Variants in MYO16 observed in about 807,000 individuals in gnomAD.
MYO16 encodes the protein myosin XVI.
A neutral mutation model predicts 205.3 loss-of-function variants in MYO16; 94 were observed. That is an observed-to-expected ratio of 0.46 (90% CI 0.39 to 0.54). MYO16 has a LOEUF of 0.54. Ranked by LOEUF, MYO16 falls within the 20% of genes least tolerant of loss-of-function variation. MYO16 has a pLI of 0.00. For synonymous variants in MYO16, 988 were observed against 954.0 expected, an observed-to-expected ratio of 1.04 and a Z score of -0.66; for missense variants, 2,315 against 2,387.5, an observed-to-expected ratio of 0.97 and a Z score of 0.63.
intron 1 of MYO16, among the ~76,000 whole-genome samples, chr13:108,618,413 G>C (rs1048260714): frequency 2.6e-5 from 4 of 152,174 alleles, no homozygotes; most frequent in African/African-American, 7.2e-5. Context: ...GGTGGCAGTG[G>C]CTGTCCTAGA....
intron 1 of MYO16, among the ~76,000 whole-genome samples, chr13:108,615,903 G>C (rs1879334236): frequency 6.6e-6 from 1 of 152,080 alleles, no homozygotes; most frequent in Admixed American, 6.6e-5. Flanking sequence ...TTCCTGACCT[G>C]TTTATACCAT....
At position 109,206,898 on chromosome 13, in the gene MYO16, G is replaced by A. The variant is rs1471255772; in HGVS notation, c.*62G>A. The A allele has an allele frequency of 1.4e-6, 2 of 1,473,998 alleles. No homozygotes were observed. Among genetic ancestry groups the A allele is most frequent in the Non-Finnish European group, 1.9e-6 (2 of 1,073,282 alleles). The allele number at this position is 1,473,998 out of a possible 1,614,324, so 91.3% of individuals were successfully genotyped here. On this transcript the variant is annotated 3_prime_UTR_variant, in exon 35 of 35. Coordinates refer to ENST00000457511, the MANE Select transcript of MYO16 (RefSeq NM_001198950.3). ...CTACTGATTCCGGGCTGCAACAACAGAAGGCTGCCTTCTGACATGCGCTGG... is the reference window on the plus strand; with the variant it reads ...CTACTGATTCCGGGCTGCAACAACAAAAGGCTGCCTTCTGACATGCGCTGG...
chr13:109,021,668 C>T (rs756594867), intron 23 of MYO16, among the ~76,000 whole-genome samples: 5 of 152,050 alleles, frequency 3.3e-5, no homozygotes, highest in African/African-American at 4.8e-5. Context: ...ACAGCACCTA[C>T]CTAGTATTTG....
chr13:109,005,520 T>C (rs1885359853), intron 21 of MYO16, among the ~76,000 whole-genome samples: 1 of 152,314 alleles, frequency 6.6e-6, no homozygotes, highest in East Asian at 1.9e-4. Flanking sequence ...TATACTGTTA[T>C]TCTCCACCTG....
At chr13:109,065,451 G>T (rs1052178979) in intron 27 of MYO16, 2 of 396,376 alleles carry the variant, frequency 5.0e-6, no homozygotes, top group African/African-American at 2.2e-5. Flanking sequence ...TTAGTTTAAT[G>T]TGTTGAATAA....
rs1566516220 is a variant in MYO16, at chr13:109,120,375, A to C, written c.3444A>C (p.Gly1148=). The C allele has an allele frequency of 1.5e-5, 24 of 1,601,822 alleles. No homozygotes were observed. The highest frequency in any genetic ancestry group is 2.0e-5 in the Non-Finnish European group (24 of 1,174,340). The change falls in exon 29 of 35, where the codon GGA becomes GGC. Residue 1148 remains glycine, a synonymous_variant. Coordinates refer to ENST00000457511, the MANE Select transcript of MYO16 (RefSeq NM_001198950.3). ...QQCKLQGWQM[G]VRKVFLKYWH... ...CCCTGCTGTTTGCATTTTAGATGGG[A>C]GTCCGAAAAGTGTTTCTAAAATACT...
intron 16 of MYO16, among the ~76,000 whole-genome samples, chr13:108,920,387 T>C (rs1881689851): frequency 6.6e-6 from 1 of 151,442 alleles, no homozygotes; most frequent in Non-Finnish European, 1.5e-5. Context: ...CTTCTCTCTC[T>C]CTCCTTCCTT....
intron 9 of MYO16, among the ~76,000 whole-genome samples, chr13:108,843,942 AT>A (rs1215699519): frequency 3.9e-5 from 6 of 152,072 alleles, no homozygotes; most frequent in Non-Finnish European, 8.8e-5. Flanking sequence ...TAAATGAGTA[AT>A]TTTTAAACTA....
chr13:109,023,687 A>ATATATATG (rs772692124), intron 23 of MYO16, among the ~76,000 whole-genome samples: 1 of 121,002 alleles, frequency 8.3e-6, no homozygotes, highest in African/African-American at 2.9e-5. Flanking sequence ...GTATATATAC[A>ATATATATG]TATATATGTA....
At chr13:108,603,853 A>G (rs1466188672) in intron 1 of MYO16, among the ~76,000 whole-genome samples, 2 of 152,168 alleles carry the variant, frequency 1.3e-5, no homozygotes, top group African/African-American at 4.8e-5. Flanking sequence ...ATTATCCTTG[A>G]TCAATAACAA....
intron 4 of MYO16, among the ~76,000 whole-genome samples, chr13:108,759,178 A>G (rs542757780): frequency 1.3e-5 from 2 of 152,290 alleles, no homozygotes; most frequent in Admixed American, 6.5e-5. Context: ...AAAAAAAAGT[A>G]ACATCTAAAC....
intron 4 of MYO16, among the ~76,000 whole-genome samples, chr13:108,728,736 C>T (rs1660886111): frequency 6.6e-6 from 1 of 152,176 alleles, no homozygotes; most frequent in Non-Finnish European, 1.5e-5. Flanking sequence ...GGCAGGTGGC[C>T]TCATTTAACT....
At chr13:108,558,029 C>A in the MYO16 span, among the ~76,000 whole-genome samples, 1 of 151,954 alleles carries the variant, frequency 6.6e-6, no homozygotes, top group African/African-American at 2.4e-5. Flanking sequence ...TTAAGGTAAT[C>A]CTTTATGAAA....
At chr13:108,568,847 G>C in the MYO16 span, among the ~76,000 whole-genome samples, 1 of 151,938 alleles carries the variant, frequency 6.6e-6, no homozygotes, top group Non-Finnish European at 1.5e-5. Flanking sequence ...TTGGGTCTGG[G>C]ATCTATTTTG....
intron 32 of MYO16, among the ~76,000 whole-genome samples, chr13:109,149,608 C>T (rs952977576): frequency 6.6e-6 from 1 of 152,212 alleles, no homozygotes; most frequent in South Asian, 2.1e-4. Context: ...AACACAAACT[C>T]ATTGCCAGGA....
At chr13:109,001,121 G>A (rs896952408) in intron 21 of MYO16, among the ~76,000 whole-genome samples, 43 of 149,996 alleles carry the variant, frequency 2.9e-4, no homozygotes, top group African/African-American at 1.0e-3. Context: ...AAATATCTAA[G>A]GAAGCCAGAG....
chr13:108,894,241 A>C (rs566072131), intron 14 of MYO16, among the ~76,000 whole-genome samples: 2 of 152,116 alleles, frequency 1.3e-5, no homozygotes, highest in Non-Finnish European at 2.9e-5. Context: ...CTCCTTTGAC[A>C]TGTGGGGATT....
chr13:109,188,173 G>A (rs1879764333), intron 34 of MYO16, among the ~76,000 whole-genome samples: 1 of 151,914 alleles, frequency 6.6e-6, no homozygotes, highest in African/African-American at 2.4e-5. Flanking sequence ...TTTGTTCATT[G>A]TCTGCAAGGT....
rs953308504 is a variant in MYO16 at position 109,127,802 on chromosome 13, T to A, written c.4051+252T>A. Reference sequence around the variant, plus strand: ...CCCACCCTGCCTCCAAAGAGCAGTATCAAATCAATTCAGAAAGTCGGCAGC... The same window carrying A: ...CCCACCCTGCCTCCAAAGAGCAGTAACAAATCAATTCAGAAAGTCGGCAGC... On this transcript the variant is annotated intron_variant, in intron 31 of 34. Coordinates refer to ENST00000457511, the MANE Select transcript of MYO16 (RefSeq NM_001198950.3). The surrounding 1 kb of genome is among the most constrained non-coding windows in gnomAD (Gnocchi z 4.2). Among the ~76,000 whole-genome samples the A allele has an allele frequency of 2.0e-5, 3 of 147,630 alleles. No individual in the cohort carries two copies. The highest frequency in any genetic ancestry group is 4.4e-5 in the Non-Finnish European group (3 of 67,636).
Sources: gnomAD v4.1 joint callset for allele counts (sites outside exome capture counted in the v4.1 genomes callset) on GRCh38, gnomAD v4.1.1 for gene constraint, Gnocchi (gnomAD v3.1) non-coding constraint, MANE v1.5 for transcripts, NCBI Gene and HGNC (gene_info 2026-07-23, HGNC 2026-07-21) for gene names.